Variants in FGF12 observed in about 807,000 individuals in gnomAD.
FGF12 encodes fibroblast growth factor 12B.
Under a neutral mutation model 23.6 loss-of-function variants are expected in FGF12, and 14 were observed. That is an observed-to-expected ratio of 0.59 (90% CI 0.39 to 0.93). The LOEUF (loss-of-function observed/expected upper bound fraction) is 0.93. FGF12 is among the 40% of genes least tolerant of loss of function. The pLI, the probability that FGF12 is intolerant of heterozygous loss-of-function variation, is 0.00. For missense variants in FGF12, 175 were observed against 217.8 expected, an observed-to-expected ratio of 0.80 and a Z score of 1.24; for synonymous variants, 62 against 77.3, an observed-to-expected ratio of 0.80 and a Z score of 1.04.
intron 2 of FGF12, among the ~76,000 whole-genome samples, chr3:192,487,956 T>A (rs866688294): frequency 1.3e-5 from 2 of 152,108 alleles, no homozygotes; most frequent in Admixed American, 1.3e-4. Context: ...TGCCAGGCTA[T>A]GAGACATGCA....
rs541529781 is a variant in FGF12, at chr3:192,442,262, T to C, written c.14-81724A>G. On this transcript the variant is annotated intron_variant, in intron 2 of 5. Transcript: ENST00000445105. ...ATTCATTGGGCTGATATATATCCAG[T>C]GTTTACTACACTGCATTGCGCACTG... is the stretch of plus-strand genomic sequence containing the variant. 8.5e-5 allele frequency among the ~76,000 whole-genome samples: 13 copies of C among 152,336 alleles called. No homozygotes were observed. In the South Asian group the frequency reaches 2.7e-3, roughly 32 times the overall value.
At chr3:192,171,876 C>T (rs908849911) in intron 4 of FGF12, among the ~76,000 whole-genome samples, 2 of 120,600 alleles carry the variant, frequency 1.7e-5, no homozygotes, top group African/African-American at 7.4e-5. Context: ...GTAGAGAGTG[C>T]TCTCTCTCTC....
intron 2 of FGF12, among the ~76,000 whole-genome samples, chr3:192,687,111 G>A (rs1717774924): frequency 6.7e-6 from 1 of 150,008 alleles, no homozygotes. Context: ...TTACAGGTGT[G>A]AGTCACCGTG....
intron 4 of FGF12, among the ~76,000 whole-genome samples, chr3:192,195,365 T>A (rs1234795328): frequency 1.3e-5 from 2 of 152,242 alleles, no homozygotes; most frequent in African/African-American, 2.4e-5. Context: ...AATACAGTCA[T>A]GCACCTCAAA....
At chr3:192,198,234 T>A (rs1413301956) in intron 4 of FGF12, among the ~76,000 whole-genome samples, 1 of 152,186 alleles carries the variant, frequency 6.6e-6, no homozygotes, top group Non-Finnish European at 1.5e-5. Context: ...GTTCAACTTT[T>A]TTATGACCAA....
intron 4 of FGF12, among the ~76,000 whole-genome samples, chr3:192,253,342 T>C (rs1712160495): frequency 6.6e-6 from 1 of 151,882 alleles, no homozygotes; most frequent in Non-Finnish European, 1.5e-5. Flanking sequence ...GGAAATAAGA[T>C]GACATTGAGA....
rs372610470 is a variant in FGF12 at position 192,615,262 on chromosome 3, C to T, written c.13+111919G>A. Among the ~76,000 whole-genome samples the T allele has an allele frequency of 2.3e-3, 355 of 151,968 alleles. 4 individuals are homozygous for T. Among genetic ancestry groups the T allele is most frequent in the African/African-American group, 8.1e-3 (334 of 41,416 alleles). On this transcript the variant is annotated intron_variant, in intron 2 of 5. Transcript: ENST00000445105. ...GCCAAGATAAACAACTAATTACACA[C>T]TTTAAATGTGTGTGTTTTTTTATTC... is the stretch of plus-strand genomic sequence containing the variant.
intron 2 of FGF12, among the ~76,000 whole-genome samples, chr3:192,657,979 G>GT (rs397692560): frequency 2.0e-4 from 30 of 148,640 alleles, no homozygotes; most frequent in East Asian, 9.8e-4. Context: ...GACTATTTGG[G>GT]TTTTTTTTTT....
At chr3:192,507,913 T>C (rs1319960931) in intron 2 of FGF12, among the ~76,000 whole-genome samples, 2 of 152,204 alleles carry the variant, frequency 1.3e-5, no homozygotes, top group East Asian at 1.9e-4. Flanking sequence ...CACCCACAAG[T>C]TCCTTAGAGC....
intron 2 of FGF12, among the ~76,000 whole-genome samples, chr3:192,480,522 G>C (rs961519998): frequency 6.6e-6 from 1 of 152,164 alleles, no homozygotes; most frequent in African/African-American, 2.4e-5. Flanking sequence ...TTTCCAAGAG[G>C]AATCTGAGAC....
At chr3:192,411,619 TCA>T (rs1462637594) in intron 2 of FGF12, among the ~76,000 whole-genome samples, 1 of 152,136 alleles carries the variant, frequency 6.6e-6, no homozygotes, top group Non-Finnish European at 1.5e-5. Context: ...AGGAAAATAT[TCA>T]CATTCCACAG....
rs115809028 is a variant in FGF12 at position 192,562,432 on chromosome 3, T to G, written c.13+164749A>C. The stretch of plus-strand genomic sequence containing the variant: ...CACAAAGAATGCATGTATTTTTACT[T>G]CATAAATGCATGAAGTAAATAATAA... On this transcript the variant is annotated intron_variant, in intron 2 of 5. Coordinates refer to ENST00000445105, the MANE Select transcript of FGF12 (RefSeq NM_004113.6). Among the ~76,000 whole-genome samples, 127 of 152,324 alleles carry G rather than the reference T, an allele frequency of 8.3e-4. 1 individual carries two copies. The highest frequency in any genetic ancestry group is 3.1e-3 in the African/African-American group (127 of 41,578).
chr3:192,268,055 T>C (rs1577301064), intron 4 of FGF12, among the ~76,000 whole-genome samples: 1 of 152,310 alleles, frequency 6.6e-6, no homozygotes, highest in East Asian at 1.9e-4. Flanking sequence ...AAAGCTTTTA[T>C]TTTAAAACAT....
At chr3:192,705,568 T>C (rs765448547) in intron 2 of FGF12, among the ~76,000 whole-genome samples, 1 of 152,252 alleles carries the variant, frequency 6.6e-6, no homozygotes, top group African/African-American at 2.4e-5. Context: ...TTGTCTTATG[T>C]GGGCATGGCT....
At chr3:192,243,192 A>G (rs1719711307) in intron 4 of FGF12, among the ~76,000 whole-genome samples, 1 of 152,130 alleles carries the variant, frequency 6.6e-6, no homozygotes, top group African/African-American at 2.4e-5. Context: ...TACCAAAAGA[A>G]AATCTGAGAG....
chr3:192,166,994 A>C (rs922061446), intron 5 of FGF12, among the ~76,000 whole-genome samples: 2 of 152,126 alleles, frequency 1.3e-5, no homozygotes, highest in African/African-American at 4.8e-5. Flanking sequence ...TCAGTCAATA[A>C]CATAAAGTAA....
chr3:192,218,367 C>T (rs139615105), intron 4 of FGF12, among the ~76,000 whole-genome samples: 77 of 152,082 alleles, frequency 5.1e-4, no homozygotes, highest in African/African-American at 1.8e-3. Flanking sequence ...AATTGTTATC[C>T]CCAATGTTGG....
At chr3:192,256,895 T>C (rs1039880124) in intron 4 of FGF12, among the ~76,000 whole-genome samples, 5 of 152,160 alleles carry the variant, frequency 3.3e-5, no homozygotes, top group African/African-American at 1.2e-4. Flanking sequence ...GGTTAGTGAC[T>C]ATATGGAAAT....
chr3:192,415,746 A>T lies in FGF12; in HGVS notation c.14-55208T>A, dbSNP rs1174113485. Among the ~76,000 whole-genome samples, 7 of 151,094 alleles carry T rather than the reference A, an allele frequency of 4.6e-5. No individual in the cohort carries two copies. The South Asian group carries it at 1.3e-3, about 27-fold the overall frequency. On this transcript the variant is annotated intron_variant, in intron 2 of 5. Coordinates refer to ENST00000445105, the MANE Select transcript of FGF12 (RefSeq NM_004113.6). ...CTCTCTCTCTCTCACACACACACAC[A>T]CACACACACACACACACACACACAC...
Sources: gnomAD v4.1 joint callset for allele counts (sites outside exome capture counted in the v4.1 genomes callset) on GRCh38, gnomAD v4.1.1 for gene constraint, MANE v1.5 for transcripts, NCBI Gene and HGNC (gene_info 2026-07-23, HGNC 2026-07-21) for gene names.